MLLT10: variants seen among roughly 807,000 people sequenced by gnomAD.
MLLT10 encodes the protein protein AF-10.
A neutral mutation model predicts 129.1 loss-of-function variants in MLLT10; 30 were observed. The ratio of observed to expected loss-of-function variants is 0.23; its 90% CI spans 0.17 to 0.32. The LOEUF is 0.32. Among genes scored for constraint, MLLT10 ranks in the 10% least tolerant of loss-of-function variants. The probability of loss-of-function intolerance (pLI) is 1.00; values close to 1 mark genes in which losing one functional copy is unlikely to be tolerated. For synonymous variants in MLLT10, 490 were observed against 446.4 expected (o/e 1.10, Z -1.23); for missense variants, 1,119 against 1,268.3 (o/e 0.88, Z 1.79).
At chr10:21,716,981 G>A (rs1264349682) in intron 14 of MLLT10, among the ~76,000 whole-genome samples, 1 of 151,918 alleles carries the variant, frequency 6.6e-6, no homozygotes, top group African/African-American at 2.4e-5. Context: ...CCTGGGCCGG[G>A]CGCAGTGGCT....
At chr10:21,719,204 C>T (rs893367542) in intron 14 of MLLT10, among the ~76,000 whole-genome samples, 1 of 152,142 alleles carries the variant, frequency 6.6e-6, no homozygotes, top group Admixed American at 6.5e-5. Flanking sequence ...CTAATAAGGA[C>T]ACTTTAATTC....
At chr10:21,720,747 G>A (rs1289215102) in intron 14 of MLLT10, among the ~76,000 whole-genome samples, 1 of 152,176 alleles carries the variant, frequency 6.6e-6, no homozygotes, top group Admixed American at 6.5e-5. Flanking sequence ...TAATTGGTAA[G>A]TTGTATTTTC....
intron 8 of MLLT10, among the ~76,000 whole-genome samples, chr10:21,617,911 T>C (rs998367818): frequency 6.6e-6 from 1 of 152,172 alleles, no homozygotes; most frequent in Non-Finnish European, 1.5e-5. Flanking sequence ...TAGTCCCAAC[T>C]ACCCAGGAGG....
At chr10:21,707,113 A>T (rs1319537158) in intron 13 of MLLT10, among the ~76,000 whole-genome samples, 1 of 151,882 alleles carries the variant, frequency 6.6e-6, no homozygotes. Flanking sequence ...GGGCACTTTT[A>T]ATCACTAGCC....
chr10:21,653,670 T>A (rs1487309849), intron 9 of MLLT10, among the ~76,000 whole-genome samples: 2 of 152,188 alleles, frequency 1.3e-5, no homozygotes, highest in East Asian at 3.9e-4. Flanking sequence ...TTTCAGGGAT[T>A]AGAATGTGGA....
intron 2 of MLLT10, among the ~76,000 whole-genome samples, 154 bp downstream of exon 2, chr10:21,534,958 C>T (rs1049867929): frequency 6.7e-6 from 1 of 149,058 alleles, no homozygotes; most frequent in Non-Finnish European, 1.5e-5. Context: ...GTGTGGGCCG[C>T]GCATGTGGGA....
At chr10:21,586,425 A>G in intron 4 of MLLT10, 77 bp downstream of exon 4, 9 of 1,086,150 alleles carry the variant, frequency 8.3e-6, no homozygotes, top group Non-Finnish European at 9.4e-6. Flanking sequence ...TTGGTAGTTT[A>G]TTTTATTTTA....
At chr10:21,578,545 A>C (rs2041033694) in intron 3 of MLLT10, among the ~76,000 whole-genome samples, 1 of 152,128 alleles carries the variant, frequency 6.6e-6, no homozygotes, top group African/African-American at 2.4e-5. Context: ...ACCGAGTCCT[A>C]AAGACTTACC....
intron 3 of MLLT10, among the ~76,000 whole-genome samples, chr10:21,562,318 T>A (rs1348108165): frequency 2.0e-5 from 3 of 150,358 alleles, no homozygotes; most frequent in South Asian, 2.1e-4. Flanking sequence ...TGCTTTTTTT[T>A]ATTTTTGTTT....
At chr10:21,590,180 A>G (rs986750774) in intron 4 of MLLT10, among the ~76,000 whole-genome samples, 1 of 152,080 alleles carries the variant, frequency 6.6e-6, no homozygotes, top group Admixed American at 6.6e-5. Flanking sequence ...GGATCAAGCT[A>G]TCCTCCTGCC....
At chr10:21,666,640 C>A (rs934876062) in intron 9 of MLLT10, among the ~76,000 whole-genome samples, 1 of 149,090 alleles carries the variant, frequency 6.7e-6, no homozygotes, top group African/African-American at 2.5e-5. Context: ...TCCAGCCTGG[C>A]GACAGAGCAA....
intron 8 of MLLT10, among the ~76,000 whole-genome samples, chr10:21,628,256 T>G (rs2046648003): frequency 1.3e-5 from 2 of 152,168 alleles, no homozygotes; most frequent in Non-Finnish European, 2.9e-5. Flanking sequence ...TAGTTAACTA[T>G]TGTAGTATAG....
intron 16 of MLLT10, 36 bp from the exon 17 acceptor site, chr10:21,730,864 T>C (rs2057913400): frequency 1.2e-6 from 2 of 1,612,614 alleles, no homozygotes; most frequent in African/African-American, 1.3e-5. Context: ...TTAAAAGCAT[T>C]CCCCTTCTTT....
At chr10:21,535,495 A>G (rs2033798962) in intron 2 of MLLT10, among the ~76,000 whole-genome samples, 1 of 152,120 alleles carries the variant, frequency 6.6e-6, no homozygotes. Flanking sequence ...GGCCACCACC[A>G]GCCTAGGTGG....
intron 3 of MLLT10, among the ~76,000 whole-genome samples, chr10:21,559,830 C>T (rs544824568): frequency 2.6e-5 from 4 of 152,006 alleles, no homozygotes; most frequent in African/African-American, 7.3e-5. Flanking sequence ...ATGTATATAC[C>T]GTGTTTTGTT....
At chr10:21,687,123 G>C (rs1418655929) in intron 13 of MLLT10, among the ~76,000 whole-genome samples, 1 of 152,128 alleles carries the variant, frequency 6.6e-6, no homozygotes, top group African/African-American at 2.4e-5. Flanking sequence ...TGAGACAACT[G>C]CGCTCACTAA....
At chr10:21,543,771 G>T (rs534757447) in intron 3 of MLLT10, among the ~76,000 whole-genome samples, 1 of 152,286 alleles carries the variant, frequency 6.6e-6, no homozygotes, top group Admixed American at 6.5e-5. Context: ...GAGCCACTAT[G>T]CCCGGTCTGT....
At chr10:21,535,479 G>A (rs2033796319) in intron 2 of MLLT10, among the ~76,000 whole-genome samples, 1 of 152,244 alleles carries the variant, frequency 6.6e-6, no homozygotes, top group African/African-American at 2.4e-5. Context: ...TGGGGTGGCC[G>A]CGGCAGGCCA....
At chr10:21,674,637 A>G (rs1275300163) in intron 11 of MLLT10, among the ~76,000 whole-genome samples, 1 of 152,164 alleles carries the variant, frequency 6.6e-6, no homozygotes, top group Non-Finnish European at 1.5e-5. Flanking sequence ...TTCAAAATGC[A>G]ATGCATGTTT....
Sources: gnomAD v4.1 joint callset for allele counts (sites outside exome capture counted in the v4.1 genomes callset) on GRCh38, gnomAD v4.1.1 for gene constraint, MANE v1.5 for transcripts, NCBI Gene and HGNC (gene_info 2026-07-23, HGNC 2026-07-21) for gene names.